FANCI: variants seen among roughly 807,000 people sequenced by gnomAD.
FANCI encodes Fanconi anemia group I protein.
In FANCI, 156 loss-of-function variants were observed where a neutral mutation model predicts 176.1. That is an observed-to-expected ratio of 0.89 (90% CI 0.78 to 1.01). FANCI has a LOEUF of 1.01. Ranked by LOEUF, FANCI falls within the 50% of genes least tolerant of loss-of-function variation. The pLI is 0.00. For synonymous variants in FANCI, 613 were observed against 541.7 expected (o/e 1.13, Z -1.83); for missense variants, 1,678 against 1,534.1 (o/e 1.09, Z -1.57).
intron 34 of FANCI, among the ~76,000 whole-genome samples, chr15:89,311,577 C>G (rs960918249): frequency 6.6e-6 from 1 of 152,188 alleles, no homozygotes; most frequent in African/African-American, 2.4e-5. Context: ...TCAGTGAGGT[C>G]GATCCGTGAC....
rs538058183 is a variant in FANCI, at chr15:89,247,283, A to G, written c.-19-346A>G. ...ACATGCTTATGGTAATATATAATGT[A>G]TTACATACTTGATATGCTGTTAAAT... On this transcript the variant is annotated intron_variant, in intron 1 of 37. Coordinates refer to ENST00000310775, the MANE Select transcript of FANCI (RefSeq NM_001113378.2). Among the ~76,000 whole-genome samples, 25 of 152,274 alleles carry G rather than the reference A, an allele frequency of 1.6e-4. No individual in the cohort carries two copies. The East Asian group carries it at 4.6e-3, about 28-fold the overall frequency.
chr15:89,295,810 A>G (rs77539815), intron 24 of FANCI, among the ~76,000 whole-genome samples: 4 of 130,972 alleles, frequency 3.1e-5, no homozygotes, highest in African/African-American at 8.7e-5. Context: ...GTCTCGCTCT[A>G]TTGCCCAGGG....
intron 9 of FANCI, 118 bp downstream of exon 9, chr15:89,264,725 T>C (rs549901012): frequency 7.3e-5 from 58 of 795,436 alleles, no homozygotes; most frequent in Non-Finnish European, 1.1e-4. Context: ...CACAAAACTT[T>C]TCTAATCTTC....
At chr15:89,287,905 T>A (rs997806962) in intron 18 of FANCI, among the ~76,000 whole-genome samples, 20 of 151,696 alleles carry the variant, frequency 1.3e-4, no homozygotes, top group Non-Finnish European at 4.4e-5. Context: ...ATTGCAATAG[T>A]AATGTCAAAG....
At chr15:89,269,405 T>C (rs958351194) in intron 10 of FANCI, among the ~76,000 whole-genome samples, 5 of 151,658 alleles carry the variant, frequency 3.3e-5, no homozygotes, top group Non-Finnish European at 5.9e-5. Context: ...GCAGCTGTGT[T>C]TTTTTTTTCC....
At chr15:89,273,598 C>A in intron 11 of FANCI, 129 bp downstream of exon 11, 1 of 664,428 alleles carries the variant, frequency 1.5e-6, no homozygotes, top group Non-Finnish European at 2.7e-6. Flanking sequence ...CTGCCAGCAG[C>A]AAAGCTGCAA....
At chr15:89,244,093 C>T (rs1253411342) in intron 1 of FANCI, 60 bp downstream of exon 1, 2 of 152,546 alleles carry the variant, frequency 1.3e-5, no homozygotes, top group African/African-American at 2.4e-5. Flanking sequence ...GACTGGGCCC[C>T]TGGGAGGGAG....
chr15:89,316,438 C>G lies in FANCI; in HGVS notation c.3966C>G (p.Ala1322=), dbSNP rs1055441854. The change falls in exon 38 of 38, where the codon GCC becomes GCG. Residue 1322 remains alanine (A), a synonymous_variant. Transcript: ENST00000310775. ...SEHGGQNKEP[A]KKKRKK is the part of the protein sequence containing the mutation. Reference sequence around the variant, plus strand: ...ATGGGGGACAGAACAAAGAACCAGCCAAGAAGAAAAGGAAAAAATAAATGA... The same window carrying G: ...ATGGGGGACAGAACAAAGAACCAGCGAAGAAGAAAAGGAAAAAATAAATGA... The G allele has an allele frequency of 6.2e-7, 1 of 1,611,418 alleles. No homozygotes were observed. Among genetic ancestry groups the G allele is most frequent in the Non-Finnish European group, 8.5e-7 (1 of 1,178,416 alleles).
chr15:89,262,571 T>A (rs2052759877), intron 6 of FANCI, among the ~76,000 whole-genome samples: 1 of 152,204 alleles, frequency 6.6e-6, no homozygotes, highest in Non-Finnish European at 1.5e-5. Context: ...GTAGGTTTGT[T>A]AAAAAGAACA....
At chr15:89,258,229 C>G (rs2052578385) in intron 2 of FANCI, among the ~76,000 whole-genome samples, 1 of 152,136 alleles carries the variant, frequency 6.6e-6, no homozygotes, top group African/African-American at 2.4e-5. Context: ...TAAATGTCAC[C>G]TACTTCTGAG....
chr15:89,292,824 C>G lies in FANCI; in HGVS notation c.2129C>G (p.Thr710Ser). ...CTAGATGATATATTGGAGTCCATTACTAATAGAATGATTAAGAGTGAGCTG... is the reference window on the plus strand; with the variant it reads ...CTAGATGATATATTGGAGTCCATTAGTAATAGAATGATTAAGAGTGAGCTG... ...EDLDDILESI[T>S]NRMIKSELED... The change falls in exon 21 of 38, where the codon ACT becomes AGT. Residue 710 changes from threonine to serine, a missense_variant. This residue lies in a region of FANCI where 1,204 missense variants were observed against 1,077.4 expected (regional missense o/e 1.12). Transcript: ENST00000310775. 6.2e-7 allele frequency: 1 copy of G among 1,614,082 alleles called. No homozygotes were observed. The highest frequency in any genetic ancestry group is 8.5e-7 in the Non-Finnish European group (1 of 1,180,004).
In FANCI at chr15:89,301,457, A is replaced by C. The variant is rs2159081; in HGVS notation, c.3006+15A>C. On this transcript the variant is annotated intron_variant, in intron 27 of 37. Coordinates refer to ENST00000310775, the MANE Select transcript of FANCI (RefSeq NM_001113378.2). Reference sequence around the variant, plus strand: ...CCTCTCCTCAGGTACTAGTACCGCTAACTTAATCCCATTTAGCATTCCTCA... The same window carrying C: ...CCTCTCCTCAGGTACTAGTACCGCTCACTTAATCCCATTTAGCATTCCTCA... 594,611 of 1,526,138 alleles carry C rather than the reference A, an allele frequency of 0.39. 116,651 individuals are homozygous for C. The highest frequency in any genetic ancestry group is 0.4 in the South Asian group (36,176 of 89,440). The allele number at this position is 1,526,138 out of a possible 1,614,324, so 94.5% of individuals were successfully genotyped here.
At chr15:89,267,123 C>T (rs553730692) in intron 9 of FANCI, among the ~76,000 whole-genome samples, 18 of 152,068 alleles carry the variant, frequency 1.2e-4, no homozygotes, top group African/African-American at 3.9e-4. Context: ...GAGTTCAAGA[C>T]CAGCCTGGAT....
At chr15:89,244,977 C>G (rs938934909) in intron 1 of FANCI, among the ~76,000 whole-genome samples, 1 of 152,092 alleles carries the variant, frequency 6.6e-6, no homozygotes, top group African/African-American at 2.4e-5. Context: ...GCTGGAGATA[C>G]AATGATAAAC....
chr15:89,252,791 A>G (rs1487594201), intron 2 of FANCI, among the ~76,000 whole-genome samples: 1 of 152,250 alleles, frequency 6.6e-6, no homozygotes, highest in Non-Finnish European at 1.5e-5. Context: ...ATGCGAAAAA[A>G]AACTATGAAA....
intron 24 of FANCI, among the ~76,000 whole-genome samples, chr15:89,296,020 T>G (rs1003407548): frequency 6.6e-6 from 1 of 152,160 alleles, no homozygotes; most frequent in Non-Finnish European, 1.5e-5. Context: ...CAGGCTAGAG[T>G]GCAGTGGCGT....
chr15:89,246,951 G>T (rs1007115644), intron 1 of FANCI, among the ~76,000 whole-genome samples: 1 of 151,258 alleles, frequency 6.6e-6, no homozygotes, highest in African/African-American at 2.4e-5. Context: ...TGTATTTTTG[G>T]TAGAGACGGG....
At chr15:89,317,148 T>G (rs1431262658), downstream of FANCI, 2 of 603,712 alleles carry the variant, frequency 3.3e-6, no homozygotes, top group East Asian at 5.6e-5. Flanking sequence ...GTGGTTGAAG[T>G]AGGGGACAGG....
chr15:89,248,998 G>C (rs1567135279), intron 2 of FANCI, among the ~76,000 whole-genome samples: 1 of 152,126 alleles, frequency 6.6e-6, no homozygotes, highest in Non-Finnish European at 1.5e-5. Flanking sequence ...AACATAGTGA[G>C]ACCCAGTTTC....
Sources: gnomAD v4.1 joint callset for allele counts (sites outside exome capture counted in the v4.1 genomes callset) on GRCh38, gnomAD v4.1.1 for gene constraint, gnomAD v4.1.1 regional missense constraint, MANE v1.5 for transcripts, NCBI Gene and HGNC (gene_info 2026-07-23, HGNC 2026-07-21) for gene names.